Variants in GSE1 observed in about 807,000 individuals in gnomAD.
GSE1 encodes Gse1 coiled-coil protein.
A neutral mutation model predicts 112.6 loss-of-function variants in GSE1; 32 were observed. The observed-to-expected ratio is 0.28, with a 90% confidence interval of 0.21 to 0.38. The LOEUF (loss-of-function observed/expected upper bound fraction) is 0.38. Among genes scored for constraint, GSE1 ranks in the 10% least tolerant of loss-of-function variants. The pLI is 1.00. For missense variants in GSE1, 2,348 were observed against 1,699.2 expected, an observed-to-expected ratio of 1.38 and a Z score of -6.71; for synonymous variants, 1,115 against 735.6, an observed-to-expected ratio of 1.52 and a Z score of -8.35.
intron 1 of GSE1, among the ~76,000 whole-genome samples, chr16:85,287,099 G>A (rs932642939): frequency 5.9e-5 from 9 of 152,226 alleles, no homozygotes; most frequent in East Asian, 3.9e-4. Flanking sequence ...AGCTGGCGGC[G>A]GCAGATGAGT....
At chr16:85,563,773 C>T (rs901501200) in intron 1 of GSE1, among the ~76,000 whole-genome samples, 2 of 152,220 alleles carry the variant, frequency 1.3e-5, no homozygotes, top group Non-Finnish European at 2.9e-5. Flanking sequence ...TGGGAGGGAC[C>T]TCAGAGGTCA....
At chr16:85,230,043 G>T (rs2075555623) in intron 1 of GSE1, among the ~76,000 whole-genome samples, 1 of 152,222 alleles carries the variant, frequency 6.6e-6, no homozygotes. Context: ...GCTCTGTGGG[G>T]GGCAGGCTGG....
At chr16:85,319,590 G>A (rs1006995565) in intron 1 of GSE1, among the ~76,000 whole-genome samples, 2 of 152,166 alleles carry the variant, frequency 1.3e-5, no homozygotes, top group African/African-American at 4.8e-5. Flanking sequence ...ACATTATTGC[G>A]ACCATCTCAC....
intron 2 of GSE1, among the ~76,000 whole-genome samples, chr16:85,470,196 G>T (rs1314610026): frequency 6.6e-6 from 1 of 152,246 alleles, no homozygotes; most frequent in Non-Finnish European, 1.5e-5. Flanking sequence ...TGTGCCCACG[G>T]CACCCAGAAC....
chr16:85,429,072 C>G (rs140319776), intron 2 of GSE1, among the ~76,000 whole-genome samples: 3 of 152,216 alleles, frequency 2.0e-5, no homozygotes, highest in African/African-American at 4.8e-5. Context: ...CCGAAGCCTC[C>G]GCACGCTGCA....
chr16:85,345,275 A>G (rs2046710805), intron 1 of GSE1, among the ~76,000 whole-genome samples: 1 of 152,270 alleles, frequency 6.6e-6, no homozygotes, highest in South Asian at 2.1e-4. Flanking sequence ...TTCAAATTTT[A>G]GTGTCCGTAA....
At position 85,298,893 on chromosome 16, in the gene GSE1, G is replaced by A. The variant is rs1197861544; in HGVS notation, c.2284-58570G>A. 3.9e-5 allele frequency among the ~76,000 whole-genome samples: 6 copies of A among 152,352 alleles called. No homozygotes were observed. The South Asian group carries it at 1.0e-3, about 26-fold the overall frequency. On this transcript the variant is annotated intron_variant, in intron 1 of 2. Transcript: ENST00000637419. ...AGCATAGGCGTTTATGGGTGTTTAT[G>A]TCTGTGCTGGTGGACGGGCTTTCTC...
intron 1 of GSE1, among the ~76,000 whole-genome samples, chr16:85,276,765 C>G (rs1296252738): frequency 6.6e-6 from 1 of 152,140 alleles, no homozygotes; most frequent in Admixed American, 6.5e-5. Flanking sequence ...GGCCCAGCAG[C>G]AGGATGTCAC....
At chr16:85,413,244 C>A (rs920721627) in intron 2 of GSE1, among the ~76,000 whole-genome samples, 1 of 152,202 alleles carries the variant, frequency 6.6e-6, no homozygotes, top group African/African-American at 2.4e-5. Context: ...ACCCCCATCT[C>A]CCACGAGAGT....
chr16:85,544,365 C>T (rs1428331108), intron 2 of GSE1, among the ~76,000 whole-genome samples: 1 of 152,094 alleles, frequency 6.6e-6, no homozygotes, highest in African/African-American at 2.4e-5. Flanking sequence ...GGGGACACAT[C>T]GAGAATTCCC....
chr16:85,387,395 C>T (rs1014090367), intron 2 of GSE1, among the ~76,000 whole-genome samples: 2 of 152,216 alleles, frequency 1.3e-5, no homozygotes, highest in Non-Finnish European at 2.9e-5. Context: ...ATGCTGAAGC[C>T]GTTGTGGCTC....
intron 2 of GSE1, among the ~76,000 whole-genome samples, chr16:85,402,120 G>C (rs988774239): frequency 6.6e-6 from 1 of 152,228 alleles, no homozygotes; most frequent in Non-Finnish European, 1.5e-5. Context: ...GTAGCATCCT[G>C]TGCCGTTTGT....
At chr16:85,549,181 T>C (rs529486358) in intron 2 of GSE1, among the ~76,000 whole-genome samples, 1 of 150,998 alleles carries the variant, frequency 6.6e-6, no homozygotes, top group Non-Finnish European at 1.5e-5. Flanking sequence ...TTCTCTTCTT[T>C]TTTTTTTTTT....
intron 2 of GSE1, among the ~76,000 whole-genome samples, chr16:85,398,614 C>G (rs2048020860): frequency 6.6e-6 from 1 of 152,224 alleles, no homozygotes; most frequent in Non-Finnish European, 1.5e-5. Context: ...ATCCGACAAA[C>G]CGCTGCATGA....
intron 1 of GSE1, among the ~76,000 whole-genome samples, chr16:85,276,479 T>C (rs1170439572): frequency 3.3e-5 from 5 of 152,220 alleles, no homozygotes; most frequent in Non-Finnish European, 2.9e-5. Flanking sequence ...CCAGTGTATA[T>C]TGGGTGAATG....
At position 85,216,636 on chromosome 16, in the gene GSE1, T is replaced by A. The variant is rs57341914; in HGVS notation, c.2283+44829T>A. ...TTATCTCCCTGGGACAGATGAGAAA[T>A]TGAGGCACAGGGAGGTTAAGCTGTT... On this transcript the variant is annotated intron_variant, in intron 1 of 2. Transcript: ENST00000637419. Among the ~76,000 whole-genome samples, 250 of 152,212 alleles carry A rather than the reference T, an allele frequency of 1.6e-3. 1 individual carries two copies. The highest frequency in any genetic ancestry group is 6.8e-3 in the Middle Eastern group (2 of 294).
At chr16:85,255,735 T>A (rs1419168343) in intron 1 of GSE1, among the ~76,000 whole-genome samples, 1 of 150,800 alleles carries the variant, frequency 6.6e-6, no homozygotes, top group African/African-American at 2.4e-5. Flanking sequence ...TTTCTTTTTT[T>A]TGGAGTGCAG....
chr16:85,613,989 A>AC (rs2048187996), intron 1 of GSE1, among the ~76,000 whole-genome samples: 3 of 142,824 alleles, frequency 2.1e-5, no homozygotes, highest in Non-Finnish European at 4.6e-5. Flanking sequence ...CGGGTTTGTG[A>AC]CCCCCACGCC....
At chr16:85,669,526 T>C (rs1432315507) in intron 14 of GSE1, among the ~76,000 whole-genome samples, 1 of 152,176 alleles carries the variant, frequency 6.6e-6, no homozygotes, top group Non-Finnish European at 1.5e-5. Flanking sequence ...CCGTGGAATC[T>C]TTGAGTTTAT....
Sources: gnomAD v4.1 joint callset for allele counts (sites outside exome capture counted in the v4.1 genomes callset) on GRCh38, gnomAD v4.1.1 for gene constraint, MANE v1.5 for transcripts, NCBI Gene and HGNC (gene_info 2026-07-23, HGNC 2026-07-21) for gene names.